Variants in TRPM1 observed in about 807,000 individuals in gnomAD.
TRPM1 encodes transient receptor potential cation channel subfamily M member 1.
In TRPM1, 113 loss-of-function variants were observed where a neutral mutation model predicts 149.4. The ratio of observed to expected loss-of-function variants is 0.76; its 90% CI spans 0.65 to 0.88. The LOEUF is 0.88. Among genes scored for constraint, TRPM1 ranks in the 40% least tolerant of loss-of-function variants. The probability of loss-of-function intolerance (pLI) is 0.00; values close to 1 mark genes in which losing one functional copy is unlikely to be tolerated. For synonymous variants in TRPM1, 741 were observed against 759.5 expected, an observed-to-expected ratio of 0.98 and a Z score of 0.40; for missense variants, 1,976 against 2,038.7, an observed-to-expected ratio of 0.97 and a Z score of 0.59.
chr15:31,050,928 T>G (rs1053761735), intron 11 of TRPM1, among the ~76,000 whole-genome samples: 4 of 152,192 alleles, frequency 2.6e-5, no homozygotes, highest in African/African-American at 7.2e-5. Context: ...TGTGTGCTTT[T>G]GCATGGAGGA....
Position 31,042,030 on chromosome 15 carries a change from G to A in TRPM1, c.2008C>T (p.Leu670Phe). The change falls in exon 17 of 28, where the codon CTC becomes TTC. Residue 670 changes from leucine to phenylalanine, a missense_variant. Transcript: ENST00000256552. Reference protein sequence around the residue: ...SMAKALVACKLYKAMAHESSE... With the variant: ...SMAKALVACKFYKAMAHESSE... ...GACTCGTGGGCCATGGCCTTGTAGAGCTTGCAGGCCACCAGGGCCTTGGCC... is the reference window on the plus strand; with the variant it reads ...GACTCGTGGGCCATGGCCTTGTAGAACTTGCAGGCCACCAGGGCCTTGGCC... 1 of 1,614,206 alleles carries A rather than the reference G, an allele frequency of 6.2e-7. No individual in the cohort carries two copies. Among genetic ancestry groups the A allele is most frequent in the Non-Finnish European group, 8.5e-7 (1 of 1,180,032 alleles).
intron 1 of TRPM1, among the ~76,000 whole-genome samples, chr15:31,123,097 G>A (rs75774831): frequency 0.015 from 2,303 of 152,238 alleles, 52 homozygotes; most frequent in African/African-American, 0.052. Context: ...GAGAAAGGAC[G>A]GTCTTTTCAA....
chr15:31,146,341 C>T (rs2036224342), intron 1 of TRPM1, among the ~76,000 whole-genome samples: 1 of 152,174 alleles, frequency 6.6e-6, no homozygotes, highest in South Asian at 2.1e-4. Context: ...TAGGTGACAG[C>T]CTGACAAAAG....
chr15:31,064,546 A>G (rs1380863978), intron 7 of TRPM1, among the ~76,000 whole-genome samples: 2 of 152,078 alleles, frequency 1.3e-5, no homozygotes, highest in African/African-American at 4.8e-5. Flanking sequence ...GACAGATCAC[A>G]CTCTGAGCCT....
At chr15:31,112,402 T>C (rs761317346) in intron 1 of TRPM1, among the ~76,000 whole-genome samples, 3 of 152,178 alleles carry the variant, frequency 2.0e-5, no homozygotes, top group Non-Finnish European at 4.4e-5. Context: ...TGCTTGAACC[T>C]GGGAGGTGGA....
intron 16 of TRPM1, among the ~76,000 whole-genome samples, chr15:31,043,843 A>G (rs2033690077): frequency 6.6e-6 from 1 of 152,208 alleles, no homozygotes; most frequent in African/African-American, 2.4e-5. Flanking sequence ...TGCCAGAGAG[A>G]GAATATGAGA....
chr15:31,096,256 G>A (rs1174803673), intron 1 of TRPM1, among the ~76,000 whole-genome samples: 1 of 152,018 alleles, frequency 6.6e-6, no homozygotes, highest in African/African-American at 2.4e-5. Flanking sequence ...AGTGGGAAAG[G>A]GCCCCATGGT....
At chr15:31,060,739 C>A in intron 10 of TRPM1, 95 bp from the exon 11 acceptor site, 1 of 965,806 alleles carries the variant, frequency 1.0e-6, no homozygotes, top group Non-Finnish European at 1.6e-6. Flanking sequence ...TTCCCTTGGG[C>A]TGCTGGCCTA....
chr15:31,161,091 C>A, exon 1 of TRPM1: 1 of 899,980 alleles, frequency 1.1e-6, no homozygotes, highest in Non-Finnish European at 1.7e-6. Context: ...TCGGCGGCAG[C>A]CCCACGCACT....
intron 1 of TRPM1, among the ~76,000 whole-genome samples, chr15:31,157,359 G>A (rs1315838128): frequency 6.6e-6 from 1 of 152,142 alleles, no homozygotes; most frequent in Non-Finnish European, 1.5e-5. Context: ...TGAACTGTTT[G>A]TTGTTTCTGG....
At chr15:31,140,969 G>A (rs1348950563) in intron 1 of TRPM1, among the ~76,000 whole-genome samples, 1 of 151,644 alleles carries the variant, frequency 6.6e-6, no homozygotes, top group East Asian at 1.9e-4. Context: ...TAACAGGTGC[G>A]TACCACTGCA....
At position 31,067,994 on chromosome 15, in the gene TRPM1, A is replaced by G. The variant is rs769783908; in HGVS notation, c.378T>C (p.His126=). 16 of 1,614,098 alleles carry G rather than the reference A, an allele frequency of 9.9e-6. No individual in the cohort carries two copies. The Admixed American group carries it at 2.2e-4, about 22-fold the overall frequency. ...GCATCTCAAAGTTCTGGAGGCCTCC[A>G]TGCACAGATATTAAGAGCTTGGGGA... ...LELPKLLISV[H]GGLQNFEMQP... Residue 126 remains histidine (H), a synonymous_variant, in exon 5 of 28, where the codon CAT becomes CAC. Transcript: ENST00000256552.
intron 1 of TRPM1, among the ~76,000 whole-genome samples, chr15:31,137,313 A>T (rs1428191506): frequency 6.6e-6 from 1 of 152,168 alleles, no homozygotes; most frequent in Non-Finnish European, 1.5e-5. Context: ...TAAACATGGG[A>T]TCTCTAATTT....
chr15:31,088,809 A>T (rs34633661), intron 1 of TRPM1, among the ~76,000 whole-genome samples: 35 of 149,344 alleles, frequency 2.3e-4, no homozygotes, highest in Middle Eastern at 3.5e-3. Context: ...TGCTGGGGGG[A>T]TGCGTCAGAG....
At chr15:31,139,149 T>C (rs1036336887) in intron 1 of TRPM1, among the ~76,000 whole-genome samples, 1 of 152,214 alleles carries the variant, frequency 6.6e-6, no homozygotes, top group African/African-American at 2.4e-5. Context: ...CTTTTGAGAA[T>C]ATTTGCAGCT....
At position 31,066,198 on chromosome 15, in the gene TRPM1, A is replaced by G; in HGVS notation, c.668T>C (p.Val223Ala). Reference sequence around the variant, plus strand: ...GAAGTGGGTGTGGGAGTTGTTGAGCACAGAGAGCTTACTTAGAGGGTTGGA... The same window carrying G: ...GAAGTGGGTGTGGGAGTTGTTGAGCGCAGAGAGCTTACTTAGAGGGTTGGA... ...TMSNPLSKLS[V>A]LNNSHTHFIL... Residue 223 changes from valine (V) to alanine (A), a missense_variant, in exon 7 of 28, where the codon GTG (valine) becomes GCG (alanine). Around this residue, in one of 3 missense-constraint regions of TRPM1, gnomAD observed 1,332 missense variants for 1,347.1 expected, o/e 0.99. Transcript: ENST00000256552. 6.2e-7 allele frequency: 1 copy of G among 1,614,194 alleles called. No homozygotes were observed. Among genetic ancestry groups the G allele is most frequent in the Middle Eastern group, 1.6e-4 (1 of 6,062 alleles).
At chr15:31,134,172 T>C (rs565916902) in intron 1 of TRPM1, among the ~76,000 whole-genome samples, 47 of 152,328 alleles carry the variant, frequency 3.1e-4, no homozygotes, top group Admixed American at 1.5e-3. Flanking sequence ...AGGTCACCCC[T>C]TTCTGGATTT....
In TRPM1 at chr15:31,072,018, TAGAGAG is replaced by T. The variant is rs61039099; in HGVS notation, c.84-1798_84-1793del. On this transcript the variant is annotated intron_variant, in intron 3 of 27. Transcript: ENST00000256552. ...ATATATATATATATATATATATATA[TAGAGAG>T]AGAGAGAGAGAGAGAGAGAGAGAGA... Among the ~76,000 whole-genome samples, 208 of 36,824 alleles carry T rather than the reference TAGAGAG, an allele frequency of 5.6e-3. 11 individuals are homozygous for T. The highest frequency in any genetic ancestry group is 0.012 in the East Asian group (10 of 836). 24.2% of individuals were successfully genotyped at this position (36,824 alleles called of 152,430 possible). A position where few individuals can be genotyped will look rare whatever the true frequency, so the allele number is the denominator to read the frequency against.
intron 16 of TRPM1, among the ~76,000 whole-genome samples, chr15:31,045,029 AG>A (rs2033725226): frequency 6.6e-6 from 1 of 152,194 alleles, no homozygotes; most frequent in Non-Finnish European, 1.5e-5. Flanking sequence ...TCTAAGAAAT[AG>A]GACTGGACCC....
Sources: allele counts gnomAD v4.1 joint callset (sites outside exome capture counted in the v4.1 genomes callset), GRCh38; gene constraint gnomAD v4.1.1; regional missense constraint gnomAD v4.1.1; transcripts MANE v1.5; gene names NCBI Gene and HGNC (gene_info 2026-07-23, HGNC 2026-07-21).